MGRN1: variants seen among roughly 807,000 people sequenced by gnomAD.
MGRN1 encodes the protein mahogunin ring finger 1.
In MGRN1, 29 loss-of-function variants were observed where a neutral mutation model predicts 69.2. The observed-to-expected ratio is 0.42, with a 90% confidence interval of 0.31 to 0.57. The LOEUF is 0.57. Ranked by LOEUF, MGRN1 falls within the 20% of genes least tolerant of loss-of-function variation. The pLI is 0.15. For missense variants in MGRN1, 998 were observed against 796.2 expected, an observed-to-expected ratio of 1.25 and a Z score of -3.05; for synonymous variants, 470 against 344.2, an observed-to-expected ratio of 1.37 and a Z score of -4.04.
intron 1 of MGRN1, among the ~76,000 whole-genome samples, chr16:4,639,221 A>T (rs901821137): frequency 7.9e-5 from 12 of 151,552 alleles, no homozygotes; most frequent in African/African-American, 2.9e-4. Flanking sequence ...GCTGGGGAGG[A>T]CAGAGGGAAC....
chr16:4,629,609 C>G (rs1014643290), intron 1 of MGRN1, among the ~76,000 whole-genome samples: 1 of 151,828 alleles, frequency 6.6e-6, no homozygotes, highest in Admixed American at 6.6e-5. Context: ...CGTGGTGGCA[C>G]ACACCTGTAG....
intron 16 of MGRN1, chr16:4,687,113 C>T (rs971106554): frequency 4.1e-6 from 4 of 985,438 alleles, no homozygotes; most frequent in Non-Finnish European, 3.6e-6. Flanking sequence ...GCCATGAGCC[C>T]ACTGCTGCCG....
At chr16:4,646,916 TG>T (rs2078286626) in intron 1 of MGRN1, among the ~76,000 whole-genome samples, 1 of 151,978 alleles carries the variant, frequency 6.6e-6, no homozygotes, top group Non-Finnish European at 1.5e-5. Context: ...TGCCTCGGCC[TG>T]GAAGGCCTGG....
chr16:4,684,808 C>T (rs1350856666), intron 16 of MGRN1, among the ~76,000 whole-genome samples: 1 of 152,262 alleles, frequency 6.6e-6, no homozygotes, highest in Non-Finnish European at 1.5e-5. Context: ...ACGGTGCTTT[C>T]AGACATGACC....
chr16:4,632,620 TC>T (rs1443900129), intron 1 of MGRN1, among the ~76,000 whole-genome samples: 9 of 152,096 alleles, frequency 5.9e-5, no homozygotes, highest in Non-Finnish European at 8.8e-5. Context: ...GGTCTCGATC[TC>T]CTGACCTCTT....
intron 1 of MGRN1, among the ~76,000 whole-genome samples, chr16:4,644,305 GTTTTTT>G (rs79613493): frequency 2.0e-4 from 21 of 107,604 alleles, no homozygotes; most frequent in African/African-American, 6.8e-4. Flanking sequence ...TCAATTACCA[GTTTTTT>G]TTTTTTTTTT....
intron 8 of MGRN1, among the ~76,000 whole-genome samples, chr16:4,668,755 T>C (rs1466681936): frequency 8.1e-6 from 1 of 123,730 alleles, no homozygotes; most frequent in Non-Finnish European, 1.8e-5. Flanking sequence ...CACACACATA[T>C]ACCCATTCAC....
chr16:4,673,554 C>A lies in MGRN1; in HGVS notation c.852C>A (p.Asp284Glu). ...ACGAGTGTGTGGTGTGCCTGTCCGA[C>A]CTGCGGGACACGCTGATCCTGCCCT... Reference protein sequence around the residue: ...NSNECVVCLSDLRDTLILPCR... With the variant: ...NSNECVVCLSELRDTLILPCR... Residue 284 changes from aspartate (D) to glutamate (E), a missense_variant, in exon 10 of 17, where the codon GAC (aspartate) becomes GAA (glutamate). Transcript: ENST00000262370. 1.2e-6 allele frequency: 2 copies of A among 1,613,810 alleles called. No individual in the cohort carries two copies. The highest frequency in any genetic ancestry group is 1.7e-6 in the Non-Finnish European group (2 of 1,179,998).
chr16:4,648,435 C>T (rs1444931293), intron 1 of MGRN1, among the ~76,000 whole-genome samples: 6 of 118,494 alleles, frequency 5.1e-5, no homozygotes, highest in East Asian at 2.5e-4. Flanking sequence ...CGTGGTCACC[C>T]GGCTCCTCCT....
At chr16:4,626,813 C>T (rs1184834426) in intron 1 of MGRN1, among the ~76,000 whole-genome samples, 27 of 152,328 alleles carry the variant, frequency 1.8e-4, no homozygotes, top group Non-Finnish European at 2.9e-5. Flanking sequence ...GCAGAACACT[C>T]GCGTCAGCCA....
intron 9 of MGRN1, among the ~76,000 whole-genome samples, chr16:4,671,771 C>G (rs1596306728): frequency 6.7e-6 from 1 of 149,852 alleles, no homozygotes. Flanking sequence ...CTGCCCGCCT[C>G]CCCAGAGACA....
At chr16:4,655,297 G>T (rs77800703) in intron 4 of MGRN1, among the ~76,000 whole-genome samples, 1 of 152,172 alleles carries the variant, frequency 6.6e-6, no homozygotes, top group Non-Finnish European at 1.5e-5. Context: ...TGAAGAGAGG[G>T]TCCCGCTGCT....
At chr16:4,669,358 C>G (rs1317998504) in intron 8 of MGRN1, 1 of 147,198 alleles carries the variant, frequency 6.8e-6, no homozygotes, top group Non-Finnish European at 1.5e-5. Flanking sequence ...GGCTTGAACC[C>G]AGGAGGTGGA....
At chr16:4,658,894 G>C (rs2078613890) in intron 5 of MGRN1, 1 of 152,222 alleles carries the variant, frequency 6.6e-6, no homozygotes, top group African/African-American at 2.4e-5. Flanking sequence ...CTACTGAGGA[G>C]GCTGAGGTGG....
intron 1 of MGRN1, chr16:4,634,631 C>G (rs1020388481): frequency 1.3e-5 from 2 of 152,546 alleles, no homozygotes; most frequent in African/African-American, 4.8e-5. Context: ...CGGCCTGTGT[C>G]CCTCTGCTTG....
chr16:4,661,261 G>T (rs1404492073), intron 5 of MGRN1, among the ~76,000 whole-genome samples: 1 of 152,070 alleles, frequency 6.6e-6, no homozygotes, highest in Non-Finnish European at 1.5e-5. Context: ...TTATAGGCGT[G>T]AGCCACCACG....
Position 4,689,361 on chromosome 16 carries a change from A to T in MGRN1, c.*453A>T, listed in dbSNP as rs2079406944. 1 of 156,930 alleles carries T rather than the reference A, an allele frequency of 6.4e-6. No homozygotes were observed. Among genetic ancestry groups the T allele is most frequent in the Admixed American group, 6.4e-5 (1 of 15,546 alleles). 9.7% of individuals were successfully genotyped at this position (156,930 alleles called of 1,614,324 possible). On this transcript the variant is annotated 3_prime_UTR_variant, in exon 17 of 17. Transcript: ENST00000262370. ...GGGGGGCTCCAGGCACGGTCAATGAAGGAAACAGTGCCTGTCCACCCACCC... is the reference window on the plus strand; with the variant it reads ...GGGGGGCTCCAGGCACGGTCAATGATGGAAACAGTGCCTGTCCACCCACCC...
chr16:4,671,096 A>G (rs919521952), intron 8 of MGRN1, among the ~76,000 whole-genome samples: 2 of 152,080 alleles, frequency 1.3e-5, no homozygotes, highest in African/African-American at 4.8e-5. Context: ...TGGTGGAGCC[A>G]AGTGGTGTTG....
At chr16:4,655,164 C>T (rs1014742957) in intron 4 of MGRN1, among the ~76,000 whole-genome samples, 9 of 152,090 alleles carry the variant, frequency 5.9e-5, no homozygotes, top group African/African-American at 1.7e-4. Context: ...TGGGTTGTGG[C>T]GAGGTGTCCA....
Sources: allele counts gnomAD v4.1 joint callset (sites outside exome capture counted in the v4.1 genomes callset), GRCh38; gene constraint gnomAD v4.1.1; transcripts MANE v1.5; gene names NCBI Gene and HGNC (gene_info 2026-07-23, HGNC 2026-07-21).